The following RBFOX1 variants were observed in gnomAD, a reference collection of about 807,000 sequenced individuals.
The protein encoded by RBFOX1 is RNA binding protein fox-1 homolog 1.
A neutral mutation model predicts 57.7 loss-of-function variants in RBFOX1; 8 were observed. The ratio of observed to expected loss-of-function variants is 0.14; its 90% confidence interval spans 0.08 to 0.25. The LOEUF (loss-of-function observed/expected upper bound fraction) is 0.25. Ranked by LOEUF, RBFOX1 falls within the 10% of genes least tolerant of loss-of-function variation. RBFOX1 has a pLI of 1.00. For missense variants in RBFOX1, 611 were observed against 548.5 expected (o/e 1.11, Z -1.14); for synonymous variants, 326 against 222.4 (o/e 1.47, Z -4.15).
chr16:7,686,957 G>GA (rs1207676796), intron 14 of RBFOX1, among the ~76,000 whole-genome samples: 15 of 152,060 alleles, frequency 9.9e-5, no homozygotes, highest in Non-Finnish European at 1.9e-4. Flanking sequence ...CCAAACTGGG[G>GA]AGAGATTCAC....
chr16:5,542,901 C>A (rs1254686992), intron 2 of RBFOX1, among the ~76,000 whole-genome samples: 1 of 152,154 alleles, frequency 6.6e-6, no homozygotes, highest in Non-Finnish European at 1.5e-5. Context: ...TTAAGAGCTG[C>A]TTATAAGGAT....
chr16:7,531,065 C>T (rs1342108926), intron 5 of RBFOX1, among the ~76,000 whole-genome samples: 4 of 152,136 alleles, frequency 2.6e-5, no homozygotes, highest in East Asian at 1.9e-4. Flanking sequence ...ACCAGACCAT[C>T]AGGACCAGTT....
intron 4 of RBFOX1, among the ~76,000 whole-genome samples, chr16:7,365,343 A>G (rs1382403068): frequency 1.3e-5 from 2 of 152,222 alleles, no homozygotes; most frequent in Non-Finnish European, 2.9e-5. Context: ...AACCTAAATC[A>G]GGACTTACCT....
intron 3 of RBFOX1, among the ~76,000 whole-genome samples, chr16:6,968,716 A>C (rs536995504): frequency 6.6e-6 from 1 of 152,144 alleles, no homozygotes; most frequent in Non-Finnish European, 1.5e-5. Flanking sequence ...TCCTGTTCTC[A>C]TGGCAGCTGG....
At position 7,711,240 on chromosome 16, in the gene RBFOX1, AT is replaced by A. The variant is rs1316751970; in HGVS notation, c.*496del. The stretch of plus-strand genomic sequence containing the variant: ...GTTTGGCTGAAAGAAAAAAAAAAAA[AT>A]GTAACTGATGAATCTAAACGACCCA... On this transcript the variant is annotated 3_prime_UTR_variant, in exon 16 of 16. Coordinates refer to ENST00000550418, the MANE Select transcript of RBFOX1 (RefSeq NM_018723.4). The A allele has an allele frequency of 1.3e-5, 2 of 148,166 alleles. No individual in the cohort carries two copies. The highest frequency in any genetic ancestry group is 2.5e-5 in the African/African-American group (1 of 40,520). The allele number at this position is 148,166 out of a possible 1,614,324, so 9.2% of individuals were successfully genotyped here.
In RBFOX1 at chr16:6,074,324, A is replaced by G. The variant is rs149364713; in HGVS notation, c.-127+54332A>G. ...CTTTTTGTATGTAGTAAGCATGTTTACCTGTGACTAGTAATTCCAGCACAA... is the reference window on the plus strand; with the variant it reads ...CTTTTTGTATGTAGTAAGCATGTTTGCCTGTGACTAGTAATTCCAGCACAA... On this transcript the variant is annotated intron_variant, in intron 1 of 15. Transcript: ENST00000550418. 1.7e-3 allele frequency among the ~76,000 whole-genome samples: 261 copies of G among 152,214 alleles called. 3 individuals are homozygous for G. The East Asian group carries it at 0.043, about 25-fold the overall frequency.
At chr16:7,288,810 C>T (rs957281103) in intron 4 of RBFOX1, among the ~76,000 whole-genome samples, 20 of 152,316 alleles carry the variant, frequency 1.3e-4, no homozygotes, top group Admixed American at 1.0e-3. Flanking sequence ...CACTGCACTC[C>T]AGCCTGCGCG....
intron 3 of RBFOX1, among the ~76,000 whole-genome samples, chr16:6,808,797 A>T (rs118007824): frequency 0.012 from 1,883 of 152,272 alleles, 28 homozygotes; most frequent in Admixed American, 0.022. Context: ...GTCTTCTCCC[A>T]GTCATAACAT....
chr16:5,323,612 T>G (rs2064475577), intron 1 of RBFOX1, among the ~76,000 whole-genome samples: 1 of 152,260 alleles, frequency 6.6e-6, no homozygotes, highest in Non-Finnish European at 1.5e-5. Flanking sequence ...TTTAAAGCAA[T>G]AGCTTCATTA....
chr16:5,924,939 A>G (rs1379579094), intron 4 of RBFOX1, among the ~76,000 whole-genome samples: 1 of 152,162 alleles, frequency 6.6e-6, no homozygotes, highest in African/African-American at 2.4e-5. Context: ...AGGCAAAACC[A>G]CAATACAGTG....
chr16:7,618,463 T>C (rs2058809679), intron 10 of RBFOX1, among the ~76,000 whole-genome samples: 1 of 152,190 alleles, frequency 6.6e-6, no homozygotes. Flanking sequence ...ATTGTGAAAC[T>C]TATTTCGTGG....
chr16:7,314,675 A>C (rs2096397539), intron 4 of RBFOX1, among the ~76,000 whole-genome samples: 1 of 152,096 alleles, frequency 6.6e-6, no homozygotes, highest in African/African-American at 2.4e-5. Flanking sequence ...CTCTTTTATT[A>C]GCATAAAGAG....
chr16:7,279,822 A>G (rs1289553657), intron 4 of RBFOX1, among the ~76,000 whole-genome samples: 1 of 152,200 alleles, frequency 6.6e-6, no homozygotes, highest in Non-Finnish European at 1.5e-5. Flanking sequence ...ACTTCCAGAA[A>G]TGGCCAAGCT....
At chr16:7,224,449 C>G (rs147025240) in intron 4 of RBFOX1, among the ~76,000 whole-genome samples, 1 of 152,138 alleles carries the variant, frequency 6.6e-6, no homozygotes, top group Non-Finnish European at 1.5e-5. Flanking sequence ...CATCACCAGC[C>G]CAGTGCTTCT....
At chr16:5,380,339 C>T (rs899776331) in intron 1 of RBFOX1, among the ~76,000 whole-genome samples, 2 of 152,166 alleles carry the variant, frequency 1.3e-5, no homozygotes, top group South Asian at 2.1e-4. Context: ...CAAGGATAGA[C>T]GTACAGAGCG....
At chr16:6,415,508 C>T (rs1454549602) in intron 2 of RBFOX1, among the ~76,000 whole-genome samples, 1 of 151,862 alleles carries the variant, frequency 6.6e-6, no homozygotes, top group Non-Finnish European at 1.5e-5. Context: ...TGAGACCAGC[C>T]TGGCCAATAT....
At chr16:7,274,978 C>T (rs2095412507) in intron 4 of RBFOX1, among the ~76,000 whole-genome samples, 1 of 152,118 alleles carries the variant, frequency 6.6e-6, no homozygotes, top group African/African-American at 2.4e-5. Context: ...GTCACTGCAC[C>T]TGCCCAAAAG....
chr16:7,597,255 C>T (rs1235008286), intron 8 of RBFOX1, 116 bp from the exon 9 acceptor site: 2 of 646,258 alleles, frequency 3.1e-6, no homozygotes, highest in Non-Finnish European at 2.6e-6. Context: ...AATTAAAATG[C>T]ATTTTACTTT....
At chr16:7,687,515 G>A (rs751413415) in intron 14 of RBFOX1, among the ~76,000 whole-genome samples, 1 of 152,068 alleles carries the variant, frequency 6.6e-6, no homozygotes, top group Admixed American at 6.6e-5. Flanking sequence ...TCTTTGGTAA[G>A]ATCAGCAATA....
Sources: allele counts gnomAD v4.1 joint callset (sites outside exome capture counted in the v4.1 genomes callset), GRCh38; gene constraint gnomAD v4.1.1; transcripts MANE v1.5; gene names NCBI Gene and HGNC (gene_info 2026-07-23, HGNC 2026-07-21).